The following ARVCF variants were observed in gnomAD, a reference collection of about 807,000 sequenced individuals.
ARVCF encodes the protein ARVCF delta catenin family member.
ARVCF carries 66 observed loss-of-function variants against 90.9 expected under a neutral mutation model. The ratio of observed to expected loss-of-function variants is 0.73; its 90% CI spans 0.60 to 0.89. The LOEUF (loss-of-function observed/expected upper bound fraction) is 0.89, where lower values mean the gene tolerates loss of function less well. Among genes scored for constraint, ARVCF ranks in the 40% least tolerant of loss-of-function variants. ARVCF has a pLI of 0.00. For missense variants in ARVCF, 1,469 were observed against 1,382.3 expected, an observed-to-expected ratio of 1.06 and a Z score of -1.00; for synonymous variants, 653 against 603.4, an observed-to-expected ratio of 1.08 and a Z score of -1.21.
In ARVCF at chr22:19,976,725, T is replaced by C. The variant is rs774636087; in HGVS notation, c.1871-2A>G. 5 of 1,560,466 alleles carry C rather than the reference T, an allele frequency of 3.2e-6. No homozygotes were observed. The East Asian group carries it at 1.2e-4, about 37-fold the overall frequency. On this transcript the variant is annotated splice_acceptor_variant, in intron 9 of 19. Coordinates refer to ENST00000263207, the MANE Select transcript of ARVCF (RefSeq NM_001670.3). LOFTEE classifies it high-confidence loss of function. ...ACTCACCTTGGTGGAACCACTCCTC[T>C]GGGAGGCCGGAGGAAGCAGAGGAGA...
chr22:19,990,370 G>C (rs935976752), intron 3 of ARVCF, among the ~76,000 whole-genome samples: 1 of 152,186 alleles, frequency 6.6e-6, no homozygotes, highest in East Asian at 1.9e-4. Flanking sequence ...GTGCTGTTCT[G>C]AGTGTTGGGC....
At chr22:19,999,495 C>T (rs1306775309) in intron 2 of ARVCF, among the ~76,000 whole-genome samples, 2 of 152,230 alleles carry the variant, frequency 1.3e-5, no homozygotes, top group Non-Finnish European at 2.9e-5. Context: ...TCACCACACC[C>T]CTCCCAACCT....
intron 1 of ARVCF, among the ~76,000 whole-genome samples, chr22:20,015,870 T>C (rs1945078697): frequency 6.6e-6 from 1 of 152,148 alleles, no homozygotes; most frequent in Admixed American, 6.5e-5. Flanking sequence ...TAAGAAACGG[T>C]GAAATATTGT....
chr22:19,973,643 C>T lies in ARVCF; in HGVS notation c.2239G>A (p.Gly747Arg), dbSNP rs1283456125. 1 of 1,604,882 alleles carries T rather than the reference C, an allele frequency of 6.2e-7. No homozygotes were observed. Among genetic ancestry groups the T allele is most frequent in the South Asian group, 1.1e-5 (1 of 90,760 alleles). The change falls in exon 13 of 20, where the codon GGG (glycine) becomes AGG (arginine). Residue 747 changes from glycine (G) to arginine (R), a missense_variant and splice_region_variant. Gly to Arg is a moderately radical substitution (Grantham distance 125). Coordinates refer to ENST00000263207, the MANE Select transcript of ARVCF (RefSeq NM_001670.3). Reference sequence around the variant, plus strand: ...GCGTGGGCTTTGCAGGCGTCCTCACCGATGAGGTCTTTGTTGCGCCGGTCC... The same window carrying T: ...GCGTGGGCTTTGCAGGCGTCCTCACTGATGAGGTCTTTGTTGCGCCGGTCC... The part of the protein sequence containing the change: ...SLDRRNKDLI[G>R]SYAMAELVRN...
At chr22:19,976,032 G>A (rs961612515) in intron 10 of ARVCF, among the ~76,000 whole-genome samples, 4 of 152,068 alleles carry the variant, frequency 2.6e-5, no homozygotes, top group East Asian at 1.9e-4. Flanking sequence ...AGACCCTCCC[G>A]GTGGCTCCCT....
chr22:19,975,774 G>T lies in ARVCF; in HGVS notation c.1889-17C>A, dbSNP rs1445677424. On this transcript the variant is annotated splice_polypyrimidine_tract_variant and intron_variant, in intron 10 of 19. Transcript: ENST00000263207. The stretch of plus-strand genomic sequence containing the variant: ...CCTTCTTTCCTGGAAGGGAAAGGTG[G>T]TGGGAGGTGAGGCAGACCCCATATG... 1 of 1,613,114 alleles carries T rather than the reference G, an allele frequency of 6.2e-7. No individual in the cohort carries two copies. Among genetic ancestry groups the T allele is most frequent in the South Asian group, 1.1e-5 (1 of 90,998 alleles).
chr22:19,978,861 G>A, intron 7 of ARVCF, 36 bp downstream of exon 7: 1 of 1,585,762 alleles, frequency 6.3e-7, no homozygotes, highest in Non-Finnish European at 8.6e-7. Context: ...GGGGCCTGGT[G>A]TGCATGTGGG....
intron 7 of ARVCF, among the ~76,000 whole-genome samples, 153 bp from the exon 8 acceptor site, chr22:19,978,228 G>A (rs1943273915): frequency 6.6e-6 from 1 of 152,172 alleles, no homozygotes; most frequent in Non-Finnish European, 1.5e-5. Context: ...GGAGCTCAGT[G>A]AAGGGGGAGA....
At chr22:19,990,111 G>A (rs1466394516) in intron 3 of ARVCF, among the ~76,000 whole-genome samples, 2 of 152,176 alleles carry the variant, frequency 1.3e-5, no homozygotes, top group African/African-American at 2.4e-5. Flanking sequence ...ACCTCCTGAG[G>A]CTGAGTAGGG....
intron 3 of ARVCF, among the ~76,000 whole-genome samples, chr22:19,984,638 A>G (rs1165687920): frequency 6.6e-6 from 1 of 152,186 alleles, no homozygotes; most frequent in African/African-American, 2.4e-5. Flanking sequence ...GCAAGTACCC[A>G]GCCCGGCACA....
In ARVCF at chr22:19,979,906, G is replaced by A. The variant is rs773187001; in HGVS notation, c.1233C>T (p.His411=). 15 of 1,600,398 alleles carry A rather than the reference G, an allele frequency of 9.4e-6. No individual in the cohort carries two copies. In the African/African-American group the frequency reaches 1.5e-4, roughly 16 times the overall value. Residue 411 remains histidine, a synonymous_variant, in exon 6 of 20, where the codon CAC becomes CAT. Coordinates refer to ENST00000263207, the MANE Select transcript of ARVCF (RefSeq NM_001670.3). ...CCCGGCGCCGCACCTCAGCCCGCGG[G>A]TGGTCCAGCAGTGCCACAAGCAGCG... ...GLPLLVALLD[H]PRAEVRRRAC... is the part of the protein sequence containing the mutation.
In ARVCF at chr22:19,972,062, G is replaced by A. The variant is rs951595515; in HGVS notation, c.2696-91C>T. 9.1e-5 allele frequency: 115 copies of A among 1,269,384 alleles called. No individual in the cohort carries two copies. In the African/African-American group the frequency reaches 1.3e-3, roughly 14 times the overall value. The allele number at this position is 1,269,384 out of a possible 1,614,324, so 78.6% of individuals were successfully genotyped here. A position where few individuals can be genotyped will look rare whatever the true frequency, so the allele number is the denominator to read the frequency against. On this transcript the variant is annotated intron_variant, in intron 17 of 19. Coordinates refer to ENST00000263207, the MANE Select transcript of ARVCF (RefSeq NM_001670.3). ...CTCTCAGCCCAGACACAGGGGACTC[G>A]TGGGACAGGGGCTTTGGGAGACAGC...
At chr22:19,968,875 A>G (rs973872583), downstream of ARVCF, 4 of 751,106 alleles carry the variant, frequency 5.3e-6, no homozygotes, top group African/African-American at 3.4e-5. Context: ...GCGCCCTGAC[A>G]TGCTAACCTC....
chr22:19,985,850 C>T (rs1471649948), intron 3 of ARVCF, among the ~76,000 whole-genome samples: 1 of 152,212 alleles, frequency 6.6e-6, no homozygotes, highest in Non-Finnish European at 1.5e-5. Context: ...GGCCAGGCTC[C>T]CAGAGGGCAG....
intron 1 of ARVCF, among the ~76,000 whole-genome samples, chr22:20,012,084 C>CT (rs938101564): frequency 2.2e-5 from 3 of 134,280 alleles, no homozygotes; most frequent in Non-Finnish European, 5.1e-5. Flanking sequence ...CAAAGTCCCC[C>CT]CCCCCCACCC....
intron 3 of ARVCF, chr22:19,987,076 T>C (rs1239755898): frequency 1.6e-5 from 10 of 623,148 alleles, no homozygotes; most frequent in Non-Finnish European, 2.9e-5. Flanking sequence ...CTCCAACCTG[T>C]CTGAGTTCGG....
intron 8 of ARVCF, among the ~76,000 whole-genome samples, 164 bp from the exon 9 acceptor site, chr22:19,977,750 G>T (rs910740627): frequency 6.6e-6 from 1 of 152,230 alleles, no homozygotes; most frequent in African/African-American, 2.4e-5. Flanking sequence ...AAGGGTCCAT[G>T]GGAGGAAGCC....
At chr22:19,984,351 G>A (rs1943653856) in intron 3 of ARVCF, among the ~76,000 whole-genome samples, 2 of 152,270 alleles carry the variant, frequency 1.3e-5, no homozygotes, top group South Asian at 4.1e-4. Flanking sequence ...GGGTGGTCCA[G>A]GAGAGCCACG....
At chr22:19,999,834 C>T (rs951765062) in intron 2 of ARVCF, among the ~76,000 whole-genome samples, 3 of 152,058 alleles carry the variant, frequency 2.0e-5, no homozygotes, top group African/African-American at 7.2e-5. Context: ...ACAGAACCAC[C>T]GGCACCTTCA....
Sources: gnomAD v4.1 joint callset for allele counts (sites outside exome capture counted in the v4.1 genomes callset) on GRCh38, gnomAD v4.1.1 for gene constraint, MANE v1.5 for transcripts, NCBI Gene and HGNC (gene_info 2026-07-23, HGNC 2026-07-21) for gene names.